RPS6KA2: variants seen among roughly 807,000 people sequenced by gnomAD.
The protein encoded by RPS6KA2 is ribosomal protein S6 kinase A2, also known as ribosomal protein S6 kinase alpha-2.
Under a neutral mutation model 91.8 loss-of-function variants are expected in RPS6KA2, and 42 were observed. That is an observed-to-expected ratio of 0.46 (90% CI 0.36 to 0.59). The LOEUF is 0.59. Ranked by LOEUF, RPS6KA2 falls within the 20% of genes least tolerant of loss-of-function variation. The pLI, the probability that RPS6KA2 is intolerant of heterozygous loss-of-function variation, is 0.00. For synonymous variants in RPS6KA2, 414 were observed against 393.6 expected (o/e 1.05, Z -0.61); for missense variants, 798 against 978.5 (o/e 0.82, Z 2.46).
Position 166,434,795 on chromosome 6 carries a change from T to TA in RPS6KA2, c.1333-2306dup, listed in dbSNP as rs1392515679. Reference sequence around the variant, plus strand: ...CCACCGCCACGGACCATCTTCAAGATACAAGGAGTAAAAAAGGCCGACGCG... The same window carrying TA: ...CCACCGCCACGGACCATCTTCAAGATAACAAGGAGTAAAAAAGGCCGACGCG... On this transcript the variant is annotated intron_variant, in intron 14 of 20. Coordinates refer to ENST00000265678, the MANE Select transcript of RPS6KA2 (RefSeq NM_021135.6). The surrounding 1 kb of genome is among the most constrained non-coding windows in gnomAD (Gnocchi z 4.4). 1.3e-5 allele frequency among the ~76,000 whole-genome samples: 2 copies of TA among 152,156 alleles called. No individual in the cohort carries two copies. Among genetic ancestry groups the TA allele is most frequent in the Non-Finnish European group, 2.9e-5 (2 of 68,028 alleles).
At chr6:166,654,013 T>C (rs1787937103) in intron 2 of RPS6KA2, among the ~76,000 whole-genome samples, 2 of 152,174 alleles carry the variant, frequency 1.3e-5, no homozygotes, top group Admixed American at 1.3e-4. Flanking sequence ...CAAAGAAAAA[T>C]CATTTCTCAA....
At chr6:166,848,425 A>G (rs1420953125) in intron 2 of RPS6KA2, among the ~76,000 whole-genome samples, 2 of 152,206 alleles carry the variant, frequency 1.3e-5, no homozygotes, top group Non-Finnish European at 2.9e-5. Context: ...ACCCAGAGGA[A>G]AAGTCATTAT....
intron 2 of RPS6KA2, among the ~76,000 whole-genome samples, chr6:166,751,607 G>C (rs1791287481): frequency 6.6e-6 from 1 of 152,236 alleles, no homozygotes; most frequent in Non-Finnish European, 1.5e-5. Flanking sequence ...TGGAGCCGTG[G>C]AAAGAGGGGT....
At chr6:166,623,458 G>A (rs117196474) in intron 1 of RPS6KA2, among the ~76,000 whole-genome samples, 2,795 of 152,276 alleles carry the variant, frequency 0.018, 31 homozygotes, top group Non-Finnish European at 0.027. Flanking sequence ...TGCTCTCAAA[G>A]CCACCTTAGC....
At chr6:166,510,554 C>CATATGT (rs1782432188) in intron 3 of RPS6KA2, among the ~76,000 whole-genome samples, 197 bp from the exon 4 acceptor site, 1 of 78,770 alleles carries the variant, frequency 1.3e-5, no homozygotes, top group Non-Finnish European at 2.5e-5. Flanking sequence ...TTCTCTCTCT[C>CATATGT]ATATATATAT....
At chr6:166,497,039 A>AG (rs1229016375) in intron 8 of RPS6KA2, among the ~76,000 whole-genome samples, 2 of 152,216 alleles carry the variant, frequency 1.3e-5, no homozygotes, top group Non-Finnish European at 2.9e-5. Flanking sequence ...CTATCGAGGC[A>AG]GAAATCACCT....
At chr6:166,649,934 G>A (rs1309950887) in intron 2 of RPS6KA2, among the ~76,000 whole-genome samples, 2 of 152,170 alleles carry the variant, frequency 1.3e-5, no homozygotes, top group African/African-American at 4.8e-5. Flanking sequence ...TGCCCAACAT[G>A]ATCTCGATAA....
chr6:166,711,616 G>A (rs1789855501), intron 2 of RPS6KA2, among the ~76,000 whole-genome samples: 1 of 151,972 alleles, frequency 6.6e-6, no homozygotes, highest in Non-Finnish European at 1.5e-5. Flanking sequence ...AATGAAAAGT[G>A]CACAGACTGG....
intron 1 of RPS6KA2, among the ~76,000 whole-genome samples, chr6:166,601,436 A>C (rs1389289109): frequency 6.6e-6 from 1 of 152,242 alleles, no homozygotes; most frequent in Non-Finnish European, 1.5e-5. Context: ...GAGCATAAAG[A>C]ACCAAGAAGA....
chr6:166,431,128 A>G (rs1035517413), intron 15 of RPS6KA2, among the ~76,000 whole-genome samples: 12 of 152,118 alleles, frequency 7.9e-5, no homozygotes, highest in African/African-American at 2.7e-4. Context: ...GGGTTTCACC[A>G]TGTTGGCCAA....
At chr6:166,501,073 T>C (rs1422232376) in intron 6 of RPS6KA2, 149 bp from the exon 7 acceptor site, 2 of 661,914 alleles carry the variant, frequency 3.0e-6, no homozygotes, top group Non-Finnish European at 5.3e-6. Context: ...CCCCACGGCT[T>C]GTGCGGTGGG....
At chr6:166,774,863 C>G (rs1382079244) in intron 2 of RPS6KA2, among the ~76,000 whole-genome samples, 1 of 144,504 alleles carries the variant, frequency 6.9e-6, no homozygotes, top group African/African-American at 2.9e-5. Flanking sequence ...TGCTTCTTGT[C>G]TGTGACCTCT....
At chr6:166,625,217 T>C (rs1786812277) in intron 1 of RPS6KA2, among the ~76,000 whole-genome samples, 1 of 152,134 alleles carries the variant, frequency 6.6e-6, no homozygotes, top group Non-Finnish European at 1.5e-5. Flanking sequence ...GCTCTTAGAC[T>C]ACATGTATTT....
At chr6:166,776,104 C>T (rs1035085243) in intron 2 of RPS6KA2, among the ~76,000 whole-genome samples, 8 of 152,162 alleles carry the variant, frequency 5.3e-5, no homozygotes, top group Non-Finnish European at 1.0e-4. Context: ...CTCTACCATC[C>T]GGCTCTGGGG....
At chr6:166,809,885 C>A (rs1025359898) in intron 2 of RPS6KA2, among the ~76,000 whole-genome samples, 1 of 152,214 alleles carries the variant, frequency 6.6e-6, no homozygotes, top group African/African-American at 2.4e-5. Context: ...CAGCCTTACT[C>A]GTGGCCATGT....
intron 2 of RPS6KA2, among the ~76,000 whole-genome samples, chr6:166,818,886 G>T (rs151086103): frequency 2.0e-5 from 3 of 151,952 alleles, no homozygotes; most frequent in Non-Finnish European, 4.4e-5. Flanking sequence ...AATACCCCAG[G>T]CTCATCTTGT....
chr6:166,468,625 A>C (rs991846484), intron 11 of RPS6KA2, among the ~76,000 whole-genome samples: 1 of 151,924 alleles, frequency 6.6e-6, no homozygotes, highest in Non-Finnish European at 1.5e-5. Flanking sequence ...GCACTTTGGG[A>C]GGCCAAGGTG....
At chr6:166,703,197 C>T (rs1042520070) in intron 2 of RPS6KA2, among the ~76,000 whole-genome samples, 1 of 152,174 alleles carries the variant, frequency 6.6e-6, no homozygotes, top group Non-Finnish European at 1.5e-5. Flanking sequence ...TTATTAGCTG[C>T]GGAATGCTTA....
rs753875463 is a variant in RPS6KA2, at chr6:166,448,597, A to C, written c.1332+127T>G. 1.3e-5 allele frequency: 16 copies of C among 1,217,784 alleles called. No homozygotes were observed. Among genetic ancestry groups the C allele is most frequent in the Non-Finnish European group, 1.8e-5 (16 of 882,930 alleles). 75.4% of individuals were successfully genotyped at this position (1,217,784 alleles called of 1,614,324 possible). ...TGCTCCGTGCTCCCATGTGCTGTACATGCTCCCACACGCTGCACTCACACA... is the reference window on the plus strand; with the variant it reads ...TGCTCCGTGCTCCCATGTGCTGTACCTGCTCCCACACGCTGCACTCACACA... On this transcript the variant is annotated intron_variant, in intron 14 of 20. Transcript: ENST00000265678. This position sits in a 1 kb window ranked among gnomAD's most constrained non-coding sequence, Gnocchi z 4.7.
Sources: allele counts gnomAD v4.1 joint callset (sites outside exome capture counted in the v4.1 genomes callset), GRCh38; gene constraint gnomAD v4.1.1; non-coding constraint Gnocchi (gnomAD v3.1); transcripts MANE v1.5; gene names NCBI Gene and HGNC (gene_info 2026-07-23, HGNC 2026-07-21).